Variants in CLSTN2 observed in about 807,000 individuals in gnomAD.
CLSTN2 encodes calsyntenin-2.
A neutral mutation model predicts 101.2 loss-of-function variants in CLSTN2; 48 were observed. The observed-to-expected ratio is 0.47, with a 90% CI of 0.38 to 0.60. The LOEUF (loss-of-function observed/expected upper bound fraction) is 0.60. CLSTN2 is among the 20% of genes least tolerant of loss of function. CLSTN2 has a pLI of 0.00. For synonymous variants in CLSTN2, 481 were observed against 463.6 expected (o/e 1.04, Z -0.48); for missense variants, 1,160 against 1,238.2 (o/e 0.94, Z 0.95).
At chr3:140,193,261 G>GTTTTTTTTTTTTTTT (rs367933711) in intron 2 of CLSTN2, among the ~76,000 whole-genome samples, 18 of 87,400 alleles carry the variant, frequency 2.1e-4, no homozygotes, top group Middle Eastern at 9.3e-3. Flanking sequence ...CTTTTTTATA[G>GTTTTTTTTTTTTTTT]TTTTTTTTTT....
intron 4 of CLSTN2, among the ~76,000 whole-genome samples, chr3:140,412,905 A>T (rs1600404): frequency 0.8 from 122,168 of 152,110 alleles, 49,448 homozygotes; most frequent in Admixed American, 0.83. Flanking sequence ...AAAGGGAATG[A>T]TATAGGAATA....
chr3:140,229,156 G>A (rs1057500353), intron 2 of CLSTN2, among the ~76,000 whole-genome samples: 3 of 152,126 alleles, frequency 2.0e-5, no homozygotes, highest in Admixed American at 1.3e-4. Flanking sequence ...CAGGATTGCA[G>A]GAGCCTAGAT....
chr3:139,952,360 C>T (rs925436852), intron 1 of CLSTN2, among the ~76,000 whole-genome samples: 1 of 152,164 alleles, frequency 6.6e-6, no homozygotes, highest in Non-Finnish European at 1.5e-5. Context: ...CCAGCTTGTG[C>T]AATAAAAAGA....
intron 8 of CLSTN2, among the ~76,000 whole-genome samples, chr3:140,498,163 G>A (rs1934506588): frequency 6.6e-6 from 1 of 152,160 alleles, no homozygotes; most frequent in Admixed American, 6.5e-5. Flanking sequence ...ATAATCTAAA[G>A]CAATTACTAA....
chr3:140,097,545 A>C (rs2008888864), intron 1 of CLSTN2, among the ~76,000 whole-genome samples: 1 of 152,214 alleles, frequency 6.6e-6, no homozygotes, highest in Non-Finnish European at 1.5e-5. Flanking sequence ...ATTAGGTAAA[A>C]ATCACACAAA....
chr3:140,221,191 G>A (rs766625663), intron 2 of CLSTN2, among the ~76,000 whole-genome samples: 1 of 152,196 alleles, frequency 6.6e-6, no homozygotes, highest in Non-Finnish European at 1.5e-5. Flanking sequence ...AGTGAGACAG[G>A]TCAACAATCT....
intron 2 of CLSTN2, among the ~76,000 whole-genome samples, chr3:140,245,140 G>A (rs547051748): frequency 7.9e-5 from 12 of 152,262 alleles, no homozygotes; most frequent in African/African-American, 2.2e-4. Flanking sequence ...TGATAACCAC[G>A]TGTTCCAGGG....
intron 8 of CLSTN2, among the ~76,000 whole-genome samples, chr3:140,523,761 T>G (rs1009410282): frequency 6.6e-6 from 1 of 152,344 alleles, no homozygotes; most frequent in South Asian, 2.1e-4. Context: ...AGACTTGGCC[T>G]GTACCAATCC....
intron 1 of CLSTN2, among the ~76,000 whole-genome samples, chr3:140,165,782 A>G (rs1340659513): frequency 6.6e-6 from 1 of 152,220 alleles, no homozygotes; most frequent in East Asian, 1.9e-4. Context: ...AAGAATAAAA[A>G]TACTTTTCAA....
chr3:140,150,330 A>G (rs2009843456), intron 1 of CLSTN2, among the ~76,000 whole-genome samples: 1 of 151,830 alleles, frequency 6.6e-6, no homozygotes, highest in Middle Eastern at 3.2e-3. Context: ...GGTCAGTGCA[A>G]CTCTCACCAA....
At chr3:140,154,468 T>G (rs552072808) in intron 1 of CLSTN2, among the ~76,000 whole-genome samples, 3 of 152,016 alleles carry the variant, frequency 2.0e-5, no homozygotes, top group Non-Finnish European at 4.4e-5. Context: ...TTAGTCCATT[T>G]TCACACTGCT....
Position 140,374,212 on chromosome 3 carries a change from C to G in CLSTN2, c.233-29417C>G, listed in dbSNP as rs567898027. Among the ~76,000 whole-genome samples, 27 of 152,332 alleles carry G rather than the reference C, an allele frequency of 1.8e-4. 1 individual carries two copies. The South Asian group carries it at 5.6e-3, about 32-fold the overall frequency. On this transcript the variant is annotated intron_variant, in intron 2 of 16. Coordinates refer to ENST00000458420, the MANE Select transcript of CLSTN2 (RefSeq NM_022131.3). ...TCTGGTCCTGATTTACTGTTTAATT[C>G]TGTGACCTTAAATTCTATGACAGAA...
intron 8 of CLSTN2, among the ~76,000 whole-genome samples, chr3:140,513,702 T>C (rs965604866): frequency 6.6e-6 from 1 of 151,278 alleles, no homozygotes; most frequent in African/African-American, 2.4e-5. Flanking sequence ...ATAGTTTCAG[T>C]AGGAATGGTA....
chr3:140,111,091 G>T (rs1383286686), intron 1 of CLSTN2, among the ~76,000 whole-genome samples: 1 of 152,146 alleles, frequency 6.6e-6, no homozygotes, highest in Admixed American at 6.5e-5. Context: ...CCTATCTCAT[G>T]GCTAATCATT....
At chr3:140,289,659 G>A (rs767350324) in intron 2 of CLSTN2, among the ~76,000 whole-genome samples, 1 of 152,054 alleles carries the variant, frequency 6.6e-6, no homozygotes, top group Non-Finnish European at 1.5e-5. Flanking sequence ...GTGACTTAAT[G>A]TTTGTTGAAT....
At chr3:140,144,943 G>A (rs751448123) in intron 1 of CLSTN2, among the ~76,000 whole-genome samples, 1 of 152,186 alleles carries the variant, frequency 6.6e-6, no homozygotes, top group Non-Finnish European at 1.5e-5. Context: ...TATCTTTTGT[G>A]AAAGAGGCTC....
At chr3:140,132,364 T>C (rs1054718011) in intron 1 of CLSTN2, among the ~76,000 whole-genome samples, 1 of 152,198 alleles carries the variant, frequency 6.6e-6, no homozygotes, top group Non-Finnish European at 1.5e-5. Flanking sequence ...TTAGAATGCA[T>C]ACATCTTCCA....
At chr3:140,014,687 C>A (rs1323685211) in intron 1 of CLSTN2, among the ~76,000 whole-genome samples, 2 of 152,102 alleles carry the variant, frequency 1.3e-5, no homozygotes, top group African/African-American at 4.8e-5. Context: ...GTCTGAGGAA[C>A]TGCAGGGAGG....
intron 6 of CLSTN2, among the ~76,000 whole-genome samples, chr3:140,458,168 G>T (rs1339738351): frequency 7.9e-6 from 1 of 125,904 alleles, no homozygotes; most frequent in African/African-American, 3.7e-5. Flanking sequence ...AATGGTAGGA[G>T]ATTTTTTTTT....
Sources: allele counts gnomAD v4.1 joint callset (sites outside exome capture counted in the v4.1 genomes callset), GRCh38; gene constraint gnomAD v4.1.1; transcripts MANE v1.5; gene names NCBI Gene and HGNC (gene_info 2026-07-23, HGNC 2026-07-21).